The following SLC7A14 variants were observed in gnomAD, a reference collection of about 807,000 sequenced individuals.
SLC7A14 encodes the protein solute carrier family 7 member 14.
Under a neutral mutation model 60.2 loss-of-function variants are expected in SLC7A14, and 37 were observed. The ratio of observed to expected loss-of-function variants is 0.61; its 90% CI spans 0.47 to 0.81. The LOEUF (loss-of-function observed/expected upper bound fraction) is 0.81, where lower values mean the gene tolerates loss of function less well. SLC7A14 is among the 30% of genes least tolerant of loss of function. The probability of loss-of-function intolerance (pLI) is 0.00; values close to 1 mark genes in which losing one functional copy is unlikely to be tolerated. For missense variants in SLC7A14, 886 were observed against 982.7 expected (o/e 0.90, Z 1.32); for synonymous variants, 399 against 395.8 (o/e 1.01, Z -0.10).
At chr3:170,496,816 G>A (rs1404979509) in intron 4 of SLC7A14, among the ~76,000 whole-genome samples, 5 of 152,204 alleles carry the variant, frequency 3.3e-5, no homozygotes, top group African/African-American at 1.2e-4. Flanking sequence ...CAGGGCCATG[G>A]TTGTGCAGAA....
At position 170,466,864 on chromosome 3, in the gene SLC7A14, G is replaced by T. The variant is rs527733839; in HGVS notation, c.*191C>A. On this transcript the variant is annotated 3_prime_UTR_variant, in exon 8 of 8. Transcript: ENST00000231706. ...TATTTAACAAGGCGACCAGTTAGGG[G>T]ACCCAGGTTAAGCCCTTCAACAGAA... is the stretch of plus-strand genomic sequence containing the variant. 323 of 540,480 alleles carry T rather than the reference G, an allele frequency of 6.0e-4. 3 individuals carry two copies. In the South Asian group the frequency reaches 8.5e-3, roughly 14 times the overall value. 33.5% of individuals were successfully genotyped at this position (540,480 alleles called of 1,614,324 possible).
intron 1 of SLC7A14, among the ~76,000 whole-genome samples, chr3:170,574,711 A>G (rs879876246): frequency 2.0e-4 from 31 of 152,270 alleles, no homozygotes; most frequent in Admixed American, 7.8e-4. Context: ...AATGAACCTC[A>G]GAGCACATGC....
intron 1 of SLC7A14, among the ~76,000 whole-genome samples, chr3:170,537,064 A>G (rs1713869922): frequency 6.6e-6 from 1 of 152,192 alleles, no homozygotes; most frequent in Non-Finnish European, 1.5e-5. Context: ...ATGCTATCAC[A>G]TATCTCACAC....
rs761172400 is a variant in SLC7A14 at position 170,498,750 on chromosome 3, C to T, written c.676G>A (p.Val226Met). 6.2e-7 allele frequency: 1 copy of T among 1,614,176 alleles called. No individual in the cohort carries two copies. Among genetic ancestry groups the T allele is most frequent in the South Asian group, 1.1e-5 (1 of 91,078 alleles). Residue 226 changes from valine (V) to methionine (M), a missense_variant, in exon 4 of 8, where the codon GTG (valine) becomes ATG (methionine). Transcript: ENST00000231706. Reference protein sequence around the residue: ...VLNVLNLAVWVFIMIAGLFFI... With the variant: ...VLNVLNLAVWMFIMIAGLFFI... ...AAGAGGCCTGCGATCATGATGAACA[C>T]CCATACTGCCAGGTTCAGCACATTG...
At chr3:170,468,096 C>T (rs1311521016) in intron 7 of SLC7A14, among the ~76,000 whole-genome samples, 1 of 152,096 alleles carries the variant, frequency 6.6e-6, no homozygotes, top group African/African-American at 2.4e-5. Context: ...AGAAAATTGG[C>T]ACTTAATGTT....
At chr3:170,502,970 G>T (rs1032726226) in intron 2 of SLC7A14, 8 of 152,286 alleles carry the variant, frequency 5.3e-5, no homozygotes, top group Admixed American at 4.6e-4. Context: ...GACCCTCTAG[G>T]ATTCCATCTG....
rs537144459 is a variant in SLC7A14 at position 170,479,898 on chromosome 3, TC to T, written c.1993+390del. ...ATTTTGTGAAATCTAAGATAGTTTT[TC>T]ATTTTACAATTCTTAGTTTCTATGA... is the stretch of plus-strand genomic sequence containing the variant. On this transcript the variant is annotated intron_variant, in intron 7 of 7. Coordinates refer to ENST00000231706, the MANE Select transcript of SLC7A14 (RefSeq NM_020949.3). Among the ~76,000 whole-genome samples the T allele has an allele frequency of 1.1e-3, 161 of 152,352 alleles. No homozygotes were observed. The South Asian group carries it at 0.011, about 10-fold the overall frequency.
At chr3:170,571,257 G>T (rs1714947877) in intron 1 of SLC7A14, among the ~76,000 whole-genome samples, 1 of 152,172 alleles carries the variant, frequency 6.6e-6, no homozygotes, top group South Asian at 2.1e-4. Flanking sequence ...TTCACTGAAA[G>T]AAATGAGTTC....
intron 7 of SLC7A14, among the ~76,000 whole-genome samples, chr3:170,479,527 AGTCC>A (rs1711741601): frequency 6.6e-6 from 1 of 152,226 alleles, no homozygotes; most frequent in African/African-American, 2.4e-5. Context: ...GACTTCTTGA[AGTCC>A]GTGAAAGTGA....
chr3:170,474,148 A>C (rs1470710222), intron 7 of SLC7A14, among the ~76,000 whole-genome samples: 1 of 152,250 alleles, frequency 6.6e-6, no homozygotes, highest in Non-Finnish European at 1.5e-5. Context: ...GAGACTAGAC[A>C]GCCACAAGAA....
chr3:170,496,045 T>G, intron 4 of SLC7A14: 1 of 1,257,712 alleles, frequency 8.0e-7, no homozygotes, highest in South Asian at 1.2e-5. Context: ...GAAGCTTACA[T>G]GAACAAGGCA....
intron 7 of SLC7A14, among the ~76,000 whole-genome samples, chr3:170,468,557 A>G (rs571933578): frequency 1.3e-5 from 2 of 152,018 alleles, no homozygotes; most frequent in Non-Finnish European, 2.9e-5. Context: ...CCACTTCCCA[A>G]TGTGTTGGGA....
In SLC7A14 at chr3:170,498,655, G is replaced by C. The variant is rs572101341; in HGVS notation, c.759+12C>G. 1.0e-4 allele frequency: 161 copies of C among 1,613,678 alleles called. No homozygotes were observed. The Admixed American group carries it at 1.4e-3, about 14-fold the overall frequency. ...GTGTGACAGGCACACCAGGTGTTTG[G>C]AACAAACTTACCCCTGACCAGCCGT... On this transcript the variant is annotated intron_variant, in intron 4 of 7. Coordinates refer to ENST00000231706, the MANE Select transcript of SLC7A14 (RefSeq NM_020949.3).
chr3:170,475,597 A>G (rs886592492), intron 7 of SLC7A14, among the ~76,000 whole-genome samples: 1 of 152,350 alleles, frequency 6.6e-6, no homozygotes, highest in Non-Finnish European at 1.5e-5. Flanking sequence ...CCTGCTTGAT[A>G]AAACTATGCT....
chr3:170,470,883 G>C (rs1015209700), intron 7 of SLC7A14, among the ~76,000 whole-genome samples: 5 of 152,140 alleles, frequency 3.3e-5, no homozygotes, highest in African/African-American at 1.2e-4. Flanking sequence ...AGTTGGCTTA[G>C]AGAATGAAGC....
intron 2 of SLC7A14, among the ~76,000 whole-genome samples, chr3:170,518,288 T>C (rs1375363161): frequency 6.6e-6 from 1 of 152,260 alleles, no homozygotes; most frequent in Non-Finnish European, 1.5e-5. Context: ...TTTCTGATTC[T>C]ACTTTCACTT....
chr3:170,574,680 G>C (rs764411088), intron 1 of SLC7A14, among the ~76,000 whole-genome samples: 33 of 152,322 alleles, frequency 2.2e-4, no homozygotes, highest in Middle Eastern at 3.4e-3. Flanking sequence ...CAAGTTGTGG[G>C]AATTCTAGAA....
Position 170,526,376 on chromosome 3 carries a change from T to C in SLC7A14, c.304+257A>G, listed in dbSNP as rs537337247. Among the ~76,000 whole-genome samples, 19 of 149,368 alleles carry C rather than the reference T, an allele frequency of 1.3e-4. No individual in the cohort carries two copies. In the South Asian group the frequency reaches 4.0e-3, roughly 32 times the overall value. On this transcript the variant is annotated intron_variant, in intron 2 of 7. Transcript: ENST00000231706. ...GAGATCATGCCACTGCACTCCAGCC[T>C]GGGCGACAGAGCAAGACTCCATCTC... is the stretch of plus-strand genomic sequence containing the variant.
Position 170,480,479 on chromosome 3 carries a change from A to G in SLC7A14, c.1803T>C (p.Val601=), listed in dbSNP as rs141092007. 4.6e-5 allele frequency: 75 copies of G among 1,614,206 alleles called. No homozygotes were observed. The highest frequency in any genetic ancestry group is 1.6e-4 in the Middle Eastern group (1 of 6,062). The change falls in exon 7 of 8, where the codon GTT becomes GTC. Residue 601 remains valine (V), a synonymous_variant. Transcript: ENST00000231706. ...TGCTGATCAGCAGCACCATCAGAAC[A>G]ACCAGAAGGATGGCCCACCAGCTCT... is the stretch of plus-strand genomic sequence containing the variant. ...SEQSWWAILL[V]VLMVLLISTL...
Sources: allele counts gnomAD v4.1 joint callset (sites outside exome capture counted in the v4.1 genomes callset), GRCh38; gene constraint gnomAD v4.1.1; transcripts MANE v1.5; gene names NCBI Gene and HGNC (gene_info 2026-07-23, HGNC 2026-07-21).